The following ARID1B variants were observed in gnomAD, a reference collection of about 807,000 sequenced individuals.
ARID1B encodes AT-rich interaction domain 1B, also known as AT-rich interactive domain-containing protein 1B.
Under a neutral mutation model 212.3 loss-of-function variants are expected in ARID1B, and 30 were observed. The observed-to-expected ratio is 0.14, with a 90% CI of 0.11 to 0.19. The LOEUF (loss-of-function observed/expected upper bound fraction) is 0.19. Among genes scored for constraint, ARID1B ranks in the 10% least tolerant of loss-of-function variants. ARID1B has a pLI of 1.00. For synonymous variants in ARID1B, 1,402 were observed against 1,301.7 expected, an observed-to-expected ratio of 1.08 and a Z score of -1.66; for missense variants, 2,891 against 3,204.0, an observed-to-expected ratio of 0.90 and a Z score of 2.36.
At chr6:156,776,451 G>T (rs995592710), upstream of ARID1B, 8 of 152,102 alleles carry the variant, frequency 5.3e-5, no homozygotes, top group Non-Finnish European at 1.0e-4. Context: ...TCTTTGAAAT[G>T]AATGTATATC....
At chr6:157,059,885 G>A (rs1287509476) in intron 4 of ARID1B, among the ~76,000 whole-genome samples, 1 of 152,192 alleles carries the variant, frequency 6.6e-6, no homozygotes, top group Non-Finnish European at 1.5e-5. Flanking sequence ...ACAAGGAGGG[G>A]AAAAATTTAT....
chr6:157,036,785 CAA>C, intron 4 of ARID1B: 1 of 486,918 alleles, frequency 2.1e-6, no homozygotes, highest in Non-Finnish European at 4.1e-6. Flanking sequence ...TGGCTAGACT[CAA>C]AGAGGTTTTT....
intron 5 of ARID1B, among the ~76,000 whole-genome samples, chr6:157,096,831 G>T (rs1403021626): frequency 6.6e-6 from 1 of 152,162 alleles, no homozygotes; most frequent in Non-Finnish European, 1.5e-5. Context: ...GATTAATCCG[G>T]GTTTCATTGT....
At chr6:157,186,572 G>A (rs781453278) in intron 13 of ARID1B, 3 of 468,642 alleles carry the variant, frequency 6.4e-6, no homozygotes, top group African/African-American at 4.0e-5. Context: ...TAGGGAAAGT[G>A]TCTGGAAACA....
At chr6:157,098,046 A>T (rs537635626) in intron 5 of ARID1B, among the ~76,000 whole-genome samples, 1 of 152,360 alleles carries the variant, frequency 6.6e-6, no homozygotes, top group South Asian at 2.1e-4. Flanking sequence ...CTTCAGAGGC[A>T]GCCAAATATT....
At chr6:157,141,322 G>T (rs1789333910) in intron 7 of ARID1B, 1 of 152,216 alleles carries the variant, frequency 6.6e-6, no homozygotes, top group East Asian at 1.9e-4. Flanking sequence ...GACACTGTAA[G>T]GTAAGATAAT....
rs768818067 is a variant in ARID1B, at chr6:157,207,501, G to C, written c.6729G>C (p.Gly2243=). Residue 2243 remains glycine, a synonymous_variant, in exon 20 of 20, where the codon GGG becomes GGC. Coordinates refer to ENST00000636930, the MANE Select transcript of ARID1B (RefSeq NM_001374828.1). The surrounding 1 kb of genome is among the most constrained non-coding windows in gnomAD (Gnocchi z 8.5). The part of the protein sequence containing the change: ...KFYATLVRYV[G]DRKNPVCREM... ...ATGCTACATTAGTTAGGTACGTTGG[G>C]GATCGCAAAAACCCAGTCTGTCGAG... 5.6e-6 allele frequency: 9 copies of C among 1,613,998 alleles called. No individual in the cohort carries two copies. The highest frequency in any genetic ancestry group is 7.6e-6 in the Non-Finnish European group (9 of 1,180,050).
chr6:157,007,239 C>G (rs1779300405), intron 4 of ARID1B, among the ~76,000 whole-genome samples: 1 of 152,198 alleles, frequency 6.6e-6, no homozygotes, highest in Admixed American at 6.5e-5. Flanking sequence ...CTAAAACTTT[C>G]AGGAAGGTAG....
chr6:156,985,688 A>G (rs2128389983), intron 4 of ARID1B: 1 of 152,338 alleles, frequency 6.6e-6, no homozygotes, highest in South Asian at 2.1e-4. Flanking sequence ...ACTTTCACAC[A>G]TGTATTGGGT....
chr6:156,988,829 C>T (rs918490709), intron 4 of ARID1B, among the ~76,000 whole-genome samples: 18 of 152,202 alleles, frequency 1.2e-4, no homozygotes, highest in African/African-American at 3.4e-4. Flanking sequence ...TTTGTTATCT[C>T]AACTGACCAG....
intron 1 of ARID1B, among the ~76,000 whole-genome samples, chr6:156,825,727 T>C (rs1300129441): frequency 6.6e-6 from 1 of 152,242 alleles, no homozygotes; most frequent in Non-Finnish European, 1.5e-5. Context: ...TAGGACTGCC[T>C]CAGGGCCCCG....
chr6:157,099,552 T>C (rs1350460947), intron 5 of ARID1B, among the ~76,000 whole-genome samples: 1 of 152,166 alleles, frequency 6.6e-6, no homozygotes, highest in Admixed American at 6.5e-5. Context: ...AAAAGAAAAG[T>C]TCTGGTTTGA....
Position 156,817,209 on chromosome 6 carries a change from C to G in ARID1B, c.1792-12018C>G, listed in dbSNP as rs375949238. On this transcript the variant is annotated intron_variant, in intron 1 of 19. Coordinates refer to ENST00000636930, the MANE Select transcript of ARID1B (RefSeq NM_001374828.1). ...GACCAGCCTGGGCAAAACCCTGTCT[C>G]TACTAAAAATACAAAAAAAAATTAG... Among the ~76,000 whole-genome samples, 10 of 151,408 alleles carry G rather than the reference C, an allele frequency of 6.6e-5. No homozygotes were observed. In the East Asian group the frequency reaches 1.6e-3, roughly 24 times the overall value.
At chr6:156,833,589 G>A (rs1783293738) in intron 2 of ARID1B, among the ~76,000 whole-genome samples, 2 of 152,084 alleles carry the variant, frequency 1.3e-5, no homozygotes, top group South Asian at 4.1e-4. Context: ...CTTTTATGAT[G>A]GGAAAACATG....
chr6:156,915,937 C>T (rs2128233628), intron 3 of ARID1B, among the ~76,000 whole-genome samples: 1 of 151,844 alleles, frequency 6.6e-6, no homozygotes, highest in South Asian at 2.1e-4. Context: ...CCAAATTCCT[C>T]TCTAGAAGGT....
intron 1 of ARID1B, among the ~76,000 whole-genome samples, chr6:156,785,656 C>T (rs1191010662): frequency 6.6e-6 from 1 of 152,126 alleles, no homozygotes; most frequent in African/African-American, 2.4e-5. Context: ...CATCATCTAT[C>T]CCCAGAACTT....
At chr6:157,174,138 C>A in intron 10 of ARID1B, 21 bp downstream of exon 10, 5 of 1,605,802 alleles carry the variant, frequency 3.1e-6, no homozygotes, top group Non-Finnish European at 4.3e-6. Context: ...CGCCTCTGCA[C>A]GCGGTGTGAG....
At chr6:157,154,569 T>C (rs184793964) in intron 8 of ARID1B, among the ~76,000 whole-genome samples, 2 of 120,542 alleles carry the variant, frequency 1.7e-5, no homozygotes, top group African/African-American at 7.5e-5. Flanking sequence ...TGCTCTTCTG[T>C]TTTTTTTTTT....
intron 7 of ARID1B, among the ~76,000 whole-genome samples, chr6:157,138,021 GA>G (rs1241139185): frequency 6.6e-6 from 1 of 152,044 alleles, no homozygotes; most frequent in Non-Finnish European, 1.5e-5. Context: ...CAGTTGAAAT[GA>G]ATACAGTTCC....
Sources: allele counts gnomAD v4.1 joint callset (sites outside exome capture counted in the v4.1 genomes callset), GRCh38; gene constraint gnomAD v4.1.1; non-coding constraint Gnocchi (gnomAD v3.1); transcripts MANE v1.5; gene names NCBI Gene and HGNC (gene_info 2026-07-23, HGNC 2026-07-21).